RPF2: variants seen among roughly 807,000 people sequenced by gnomAD.
RPF2 encodes brix domain containing 1.
In RPF2, 21 loss-of-function variants were observed where a neutral mutation model predicts 38.9. The observed-to-expected ratio is 0.54, with a 90% CI of 0.38 to 0.78. The LOEUF (loss-of-function observed/expected upper bound fraction) is 0.78, where lower values mean the gene tolerates loss of function less well. RPF2 is among the 30% of genes least tolerant of loss of function. The pLI is 0.00. For synonymous variants in RPF2, 121 were observed against 126.2 expected (o/e 0.96, Z 0.28); for missense variants, 314 against 358.1 (o/e 0.88, Z 0.99).
intron 7 of RPF2, among the ~76,000 whole-genome samples, chr6:111,013,638 T>C (rs1772056521): frequency 6.6e-6 from 1 of 152,186 alleles, no homozygotes; most frequent in African/African-American, 2.4e-5. Context: ...CCTGAAAATT[T>C]TGCATTATGA....
chr6:111,001,512 G>C (rs1483739174), intron 6 of RPF2, among the ~76,000 whole-genome samples: 1 of 152,054 alleles, frequency 6.6e-6, no homozygotes, highest in Non-Finnish European at 1.5e-5. Context: ...CAGGTAACTG[G>C]GACTATAGGT....
intron 9 of RPF2, among the ~76,000 whole-genome samples, chr6:111,025,083 A>G (rs1772299897): frequency 1.3e-5 from 2 of 152,166 alleles, no homozygotes; most frequent in East Asian, 1.9e-4. Flanking sequence ...AACACAGGCT[A>G]TTTTCTTGAT....
At chr6:110,999,954 AAG>A (rs1771785729) in intron 6 of RPF2, among the ~76,000 whole-genome samples, 167 bp downstream of exon 6, 1 of 152,220 alleles carries the variant, frequency 6.6e-6, no homozygotes, top group Admixed American at 6.5e-5. Context: ...TTCTTTTAAA[AAG>A]AGGAATATAT....
intron 8 of RPF2, among the ~76,000 whole-genome samples, chr6:111,023,652 T>C (rs1489803350): frequency 6.6e-6 from 1 of 151,992 alleles, no homozygotes; most frequent in Non-Finnish European, 1.5e-5. Flanking sequence ...AATTTTTAAT[T>C]TGATATTTGT....
chr6:110,984,970 T>C (rs752171446), intron 1 of RPF2, 36 bp from the exon 2 acceptor site: 2 of 1,567,856 alleles, frequency 1.3e-6, no homozygotes, highest in East Asian at 4.6e-5. Context: ...GTGAGGAAAA[T>C]GTTTAAATAG....
At chr6:111,009,043 G>C (rs1010146288) in intron 7 of RPF2, among the ~76,000 whole-genome samples, 1 of 151,700 alleles carries the variant, frequency 6.6e-6, no homozygotes, top group Admixed American at 6.6e-5. Context: ...GGGATTACAG[G>C]TGCCCGTCAC....
At chr6:111,013,207 C>G (rs968307851) in intron 7 of RPF2, among the ~76,000 whole-genome samples, 2 of 152,038 alleles carry the variant, frequency 1.3e-5, no homozygotes, top group Non-Finnish European at 2.9e-5. Flanking sequence ...AATGCAGGGC[C>G]CCTGATAGAA....
intron 8 of RPF2, among the ~76,000 whole-genome samples, chr6:111,022,937 C>T (rs1030130993): frequency 6.6e-6 from 1 of 152,228 alleles, no homozygotes; most frequent in Non-Finnish European, 1.5e-5. Flanking sequence ...CTCGCCCTGT[C>T]GCCCAGACTG....
At chr6:110,989,241 C>T (rs1771576857) in intron 3 of RPF2, among the ~76,000 whole-genome samples, 176 bp downstream of exon 3, 1 of 151,836 alleles carries the variant, frequency 6.6e-6, no homozygotes, top group Admixed American at 6.6e-5. Flanking sequence ...ATTGAATGTC[C>T]TTGCATAGTT....
chr6:111,025,104 G>A (rs1772300161), intron 9 of RPF2, among the ~76,000 whole-genome samples: 1 of 152,206 alleles, frequency 6.6e-6, no homozygotes, highest in African/African-American at 2.4e-5. Context: ...GTGTGACAGT[G>A]GTTAGTGTAG....
intron 2 of RPF2, among the ~76,000 whole-genome samples, chr6:110,985,502 A>G (rs1462130964): frequency 1.3e-5 from 2 of 152,218 alleles, no homozygotes; most frequent in Non-Finnish European, 2.9e-5. Context: ...TAGTCATTCA[A>G]CAACACCGGT....
rs1189058183 is a variant in RPF2 at position 111,028,195 on chromosome 6, A to G, written c.*2613A>G. ...GTTTGTTTTCTTGGTTATTGAACAT[A>G]ATCCAAAGTAGAGATGTTATTACTC... On this transcript the variant is annotated 3_prime_UTR_variant, in exon 10 of 10. Coordinates refer to ENST00000441448, the MANE Select transcript of RPF2 (RefSeq NM_032194.3). The G allele has an allele frequency of 6.6e-6, 1 of 152,028 alleles. No individual in the cohort carries two copies. Among genetic ancestry groups the G allele is most frequent in the Non-Finnish European group, 1.5e-5 (1 of 68,008 alleles). 9.4% of individuals were successfully genotyped at this position (152,028 alleles called of 1,614,324 possible).
At chr6:111,025,348 T>C in intron 9 of RPF2, 55 bp from the exon 10 acceptor site, 2 of 1,260,296 alleles carry the variant, frequency 1.6e-6, no homozygotes, top group Non-Finnish European at 2.3e-6. Context: ...ACTAGATTTT[T>C]ACTGGCTCAT....
intron 6 of RPF2, among the ~76,000 whole-genome samples, chr6:111,000,531 A>G (rs2114315425): frequency 6.6e-6 from 1 of 152,274 alleles, no homozygotes; most frequent in African/African-American, 2.4e-5. Context: ...AGGTCAGTTC[A>G]CCCTTGGGGA....
chr6:110,994,241 C>T (rs1451986712), intron 4 of RPF2, among the ~76,000 whole-genome samples: 2 of 148,396 alleles, frequency 1.3e-5, no homozygotes, highest in Admixed American at 6.8e-5. Context: ...TGGCATTGCA[C>T]TCCAGCCTGG....
chr6:111,003,834 C>T (rs925697125), intron 6 of RPF2, among the ~76,000 whole-genome samples: 3 of 151,894 alleles, frequency 2.0e-5, no homozygotes, highest in East Asian at 1.9e-4. Flanking sequence ...CCCCCACCGA[C>T]GGAGTTTTGT....
intron 3 of RPF2, among the ~76,000 whole-genome samples, chr6:110,990,799 C>T (rs969482615): frequency 3.3e-5 from 5 of 152,122 alleles, no homozygotes; most frequent in Non-Finnish European, 5.9e-5. Context: ...TCTCAGACTC[C>T]TGACCTCAGG....
chr6:111,028,165 G>A lies in RPF2; in HGVS notation c.*2583G>A, dbSNP rs1045811254. The A allele has an allele frequency of 6.6e-6, 1 of 151,450 alleles. No individual in the cohort carries two copies. The highest frequency in any genetic ancestry group is 2.4e-5 in the African/African-American group (1 of 41,212). The allele number at this position is 151,450 out of a possible 1,614,324, so 9.4% of individuals were successfully genotyped here. On this transcript the variant is annotated 3_prime_UTR_variant, in exon 10 of 10. Coordinates refer to ENST00000441448, the MANE Select transcript of RPF2 (RefSeq NM_032194.3). The stretch of plus-strand genomic sequence containing the variant: ...TTTTTTTTTGTTTTTTTAAAATTAA[G>A]TGCTGTTTGTTTTCTTGGTTATTGA...
chr6:110,994,228 T>C (rs904239269), intron 4 of RPF2, among the ~76,000 whole-genome samples: 1 of 150,180 alleles, frequency 6.7e-6, no homozygotes, highest in African/African-American at 2.5e-5. Context: ...TGAGCCAAGA[T>C]TGTGGCATTG....
Sources: allele counts gnomAD v4.1 joint callset (sites outside exome capture counted in the v4.1 genomes callset), GRCh38; gene constraint gnomAD v4.1.1; transcripts MANE v1.5; gene names NCBI Gene and HGNC (gene_info 2026-07-23, HGNC 2026-07-21).